OGDH: variants seen among roughly 807,000 people sequenced by gnomAD.
The protein encoded by OGDH is 2-oxoglutarate dehydrogenase complex component E1.
OGDH carries 38 observed loss-of-function variants against 116.6 expected under a neutral mutation model. That is an observed-to-expected ratio of 0.33 (90% CI 0.25 to 0.43). The LOEUF (loss-of-function observed/expected upper bound fraction) is 0.43. Among genes scored for constraint, OGDH ranks in the 20% least tolerant of loss-of-function variants. OGDH has a pLI of 1.00. For missense variants in OGDH, 825 were observed against 1,357.2 expected, an observed-to-expected ratio of 0.61 and a Z score of 6.16; for synonymous variants, 488 against 533.3, an observed-to-expected ratio of 0.92 and a Z score of 1.17.
chr7:44,675,744 G>A (rs1162343964), intron 8 of OGDH, among the ~76,000 whole-genome samples: 1 of 151,948 alleles, frequency 6.6e-6, no homozygotes, highest in Non-Finnish European at 1.5e-5. Flanking sequence ...GGGCGTGGTG[G>A]CGCATGCCTG....
chr7:44,629,688 T>C (rs1785353353), intron 2 of OGDH, among the ~76,000 whole-genome samples: 1 of 150,074 alleles, frequency 6.7e-6, no homozygotes, highest in South Asian at 2.2e-4. Flanking sequence ...CAAGCAATTC[T>C]CGTACCTCAG....
intron 2 of OGDH, among the ~76,000 whole-genome samples, chr7:44,642,824 A>G (rs1786006283): frequency 6.6e-6 from 1 of 151,952 alleles, no homozygotes; most frequent in Non-Finnish European, 1.5e-5. Flanking sequence ...CGGGAGGCTG[A>G]GGCAGGAGAA....
At chr7:44,650,025 A>G (rs1396354937) in intron 4 of OGDH, among the ~76,000 whole-genome samples, 2 of 152,178 alleles carry the variant, frequency 1.3e-5, no homozygotes, top group Non-Finnish European at 2.9e-5. Context: ...AACTTCTGAC[A>G]TCTCTGGCCA....
intron 10 of OGDH, among the ~76,000 whole-genome samples, chr7:44,682,997 A>T (rs1465145304): frequency 6.6e-6 from 1 of 151,300 alleles, no homozygotes; most frequent in Non-Finnish European, 1.5e-5. Flanking sequence ...AAATACAAAA[A>T]AATTAGGCGG....
intron 1 of OGDH, among the ~76,000 whole-genome samples, chr7:44,607,509 A>G (rs1438477062): frequency 1.3e-5 from 2 of 152,178 alleles, no homozygotes; most frequent in African/African-American, 2.4e-5. Context: ...TTCCAGGTAC[A>G]CTGCTCTGAA....
intron 2 of OGDH, among the ~76,000 whole-genome samples, chr7:44,641,082 T>C (rs1417022683): frequency 6.7e-6 from 1 of 149,824 alleles, no homozygotes; most frequent in Non-Finnish European, 1.5e-5. Flanking sequence ...TTTTTTTTTT[T>C]AGTAGAGACA....
chr7:44,697,831 G>T lies in OGDH; in HGVS notation c.2358+49G>T. ...CAGACCTAGGACTTGGGAAGGGCCT[G>T]TGTAGGACCCTGACCCCAAAGACTG... is the stretch of plus-strand genomic sequence containing the variant. On this transcript the variant is annotated intron_variant, in intron 17 of 22. Transcript: ENST00000222673. The surrounding 1 kb of genome is among the most constrained non-coding windows in gnomAD (Gnocchi z 6.0). 1 of 1,572,582 alleles carries T rather than the reference G, an allele frequency of 6.4e-7. No individual in the cohort carries two copies. The highest frequency in any genetic ancestry group is 8.6e-7 in the Non-Finnish European group (1 of 1,160,706).
intron 2 of OGDH, among the ~76,000 whole-genome samples, chr7:44,631,246 A>G (rs1256633567): frequency 6.6e-6 from 1 of 152,234 alleles, no homozygotes; most frequent in East Asian, 1.9e-4. Context: ...TGCATGGTCT[A>G]CGTAAATGGG....
chr7:44,635,214 G>C (rs1785610504), intron 2 of OGDH, among the ~76,000 whole-genome samples: 1 of 152,200 alleles, frequency 6.6e-6, no homozygotes, highest in South Asian at 2.1e-4. Flanking sequence ...CTTTTTATCA[G>C]CTTGGCTGGA....
chr7:44,666,691 C>A, intron 4 of OGDH, 45 bp from the exon 5 acceptor site: 1 of 1,153,486 alleles, frequency 8.7e-7, no homozygotes, highest in Admixed American at 2.2e-5. Context: ...ATGGCTGTGC[C>A]CCATCCCTCC....
intron 4 of OGDH, among the ~76,000 whole-genome samples, chr7:44,648,101 T>G (rs925080099): frequency 1.1e-4 from 17 of 152,222 alleles, no homozygotes; most frequent in African/African-American, 4.1e-4. Flanking sequence ...AGTGCAGCAC[T>G]GCCTTCAGTG....
chr7:44,701,499 C>A, intron 19 of OGDH, 44 bp from the exon 20 acceptor site: 1 of 1,571,626 alleles, frequency 6.4e-7, no homozygotes, highest in Non-Finnish European at 8.8e-7. Context: ...CTTCTGGAAT[C>A]TTCAGAATCT....
intron 4 of OGDH, among the ~76,000 whole-genome samples, chr7:44,660,677 C>T (rs1786897433): frequency 6.6e-6 from 1 of 152,056 alleles, no homozygotes; most frequent in African/African-American, 2.4e-5. Context: ...GCCTATAAAC[C>T]CAGGACTTTG....
intron 6 of OGDH, 22 bp downstream of exon 6, chr7:44,673,963 A>G (rs766233491): frequency 1.9e-6 from 3 of 1,613,656 alleles, no homozygotes; most frequent in South Asian, 1.1e-5. Context: ...GCCCTGGGCC[A>G]TGGGGCAGAC....
chr7:44,629,680 A>G (rs1377978077), intron 2 of OGDH, among the ~76,000 whole-genome samples: 7 of 149,376 alleles, frequency 4.7e-5, no homozygotes, highest in Admixed American at 4.0e-4. Context: ...CCTGGGTTCA[A>G]GCAATTCTCG....
chr7:44,616,686 T>C (rs914752883), intron 1 of OGDH, among the ~76,000 whole-genome samples: 8 of 146,280 alleles, frequency 5.5e-5, no homozygotes, highest in Non-Finnish European at 1.2e-4. Context: ...TATACACATA[T>C]GTATATGTAT....
rs1166858263 is a variant in OGDH, at chr7:44,694,590, G to A, written c.1668+14G>A. The A allele has an allele frequency of 3.1e-6, 5 of 1,612,640 alleles. No homozygotes were observed. The highest frequency in any genetic ancestry group is 1.1e-5 in the South Asian group (1 of 91,080). The stretch of plus-strand genomic sequence containing the variant: ...CCTGAGTATGAGGTACGTCCCTGCG[G>A]CTCTATCCCAGTGCGCCTTTCCAGG... On this transcript the variant is annotated intron_variant, in intron 12 of 22. Coordinates refer to ENST00000222673, the MANE Select transcript of OGDH (RefSeq NM_002541.4). This position sits in a 1 kb window ranked among gnomAD's most constrained non-coding sequence, Gnocchi z 4.2.
At chr7:44,623,473 GT>G (rs2117286639) in intron 1 of OGDH, among the ~76,000 whole-genome samples, 1 of 77,160 alleles carries the variant, frequency 1.3e-5, no homozygotes, top group East Asian at 2.7e-4. Context: ...GTACTCAGTA[GT>G]TTCTGGACAG....
intron 5 of OGDH, among the ~76,000 whole-genome samples, chr7:44,671,946 G>A (rs1585332803): frequency 2.0e-5 from 3 of 148,824 alleles, no homozygotes; most frequent in East Asian, 2.0e-4. Flanking sequence ...GCGGGCGCCT[G>A]TAGTCCCAGC....
Sources: gnomAD v4.1 joint callset for allele counts (sites outside exome capture counted in the v4.1 genomes callset) on GRCh38, gnomAD v4.1.1 for gene constraint, Gnocchi (gnomAD v3.1) non-coding constraint, MANE v1.5 for transcripts, NCBI Gene and HGNC (gene_info 2026-07-23, HGNC 2026-07-21) for gene names.